GABBR1: variants seen among roughly 807,000 people sequenced by gnomAD.
The protein encoded by GABBR1 is gamma-aminobutyric acid type B receptor subunit 1, also known as GABA-B receptor, R1 subunit.
Under a neutral mutation model 117.7 loss-of-function variants are expected in GABBR1, and 35 were observed. The observed-to-expected ratio is 0.30, with a 90% CI of 0.23 to 0.39. The LOEUF (loss-of-function observed/expected upper bound fraction) is 0.39. Ranked by LOEUF, GABBR1 falls within the 10% of genes least tolerant of loss-of-function variation. The pLI is 1.00. For missense variants in GABBR1, 709 were observed against 1,241.8 expected, an observed-to-expected ratio of 0.57 and a Z score of 6.45; for synonymous variants, 442 against 486.6, an observed-to-expected ratio of 0.91 and a Z score of 1.21.
Position 29,605,138 on chromosome 6 carries a change from T to G in GABBR1, c.2440-150A>C. On this transcript the variant is annotated intron_variant, in intron 20 of 22. Coordinates refer to ENST00000377034, the MANE Select transcript of GABBR1 (RefSeq NM_001470.4). This position sits in a 1 kb window ranked among gnomAD's most constrained non-coding sequence, Gnocchi z 4.2. ...CCAAATTCAGGATCATCCTCAAATA[T>G]AGATTGAGAAAAATCTCAAACTGTC... 1 of 847,260 alleles carries G rather than the reference T, an allele frequency of 1.2e-6. No individual in the cohort carries two copies. Among genetic ancestry groups the G allele is most frequent in the Non-Finnish European group, 1.8e-6 (1 of 565,950 alleles). 52.5% of individuals were successfully genotyped at this position (847,260 alleles called of 1,614,324 possible).
At chr6:29,612,739 G>A (rs1762683216) in intron 12 of GABBR1, 125 bp from the exon 13 acceptor site, 2 of 824,740 alleles carry the variant, frequency 2.4e-6, no homozygotes, top group Admixed American at 3.6e-5. Context: ...GCTATTTATG[G>A]CATTTGCCTG....
In GABBR1 at chr6:29,623,252, G is replaced by C. The variant is rs945081826; in HGVS notation, c.963+53C>G. On this transcript the variant is annotated intron_variant, in intron 8 of 22. Transcript: ENST00000377034. This position sits in a 1 kb window ranked among gnomAD's most constrained non-coding sequence, Gnocchi z 6.2. ...AAGTGACTCTCACGTCACATCTCCT[G>C]GTGCTGGAATTTGAGCTTATGTCCC... 1.3e-4 allele frequency: 199 copies of C among 1,519,308 alleles called. No individual in the cohort carries two copies. Among genetic ancestry groups the C allele is most frequent in the Non-Finnish European group, 9.3e-5 (103 of 1,110,180 alleles). 94.1% of individuals were successfully genotyped at this position (1,519,308 alleles called of 1,614,324 possible).
Position 29,622,538 on chromosome 6 carries a change from C to T in GABBR1, c.964-333G>A. 1 of 320,708 alleles carries T rather than the reference C, an allele frequency of 3.1e-6. No homozygotes were observed. Among genetic ancestry groups the T allele is most frequent in the Admixed American group, 4.3e-5 (1 of 23,270 alleles). 19.9% of individuals were successfully genotyped at this position (320,708 alleles called of 1,614,324 possible). On this transcript the variant is annotated intron_variant, in intron 8 of 22. Transcript: ENST00000377034. This position sits in a 1 kb window ranked among gnomAD's most constrained non-coding sequence, Gnocchi z 4.6. Reference sequence around the variant, plus strand: ...GGAAAAGACAAGGCAAGGACTGGGACAGACAGCATGATGTCAACCTCAAGA... The same window carrying T: ...GGAAAAGACAAGGCAAGGACTGGGATAGACAGCATGATGTCAACCTCAAGA...
chr6:29,609,485 G>T lies in GABBR1; in HGVS notation c.1709-106C>A. The T allele has an allele frequency of 1.1e-6, 1 of 931,668 alleles. No homozygotes were observed. Among genetic ancestry groups the T allele is most frequent in the Non-Finnish European group, 1.6e-6 (1 of 606,624 alleles). 57.7% of individuals were successfully genotyped at this position (931,668 alleles called of 1,614,324 possible). ...AGGGCAAAGAACTAGATTGCTGATG[G>T]ACATTCAGTCATTGGCTGGGGACAT... On this transcript the variant is annotated intron_variant, in intron 14 of 22. Coordinates refer to ENST00000377034, the MANE Select transcript of GABBR1 (RefSeq NM_001470.4). The surrounding 1 kb of genome is among the most constrained non-coding windows in gnomAD (Gnocchi z 4.3).
At position 29,611,102 on chromosome 6, in the gene GABBR1, T is replaced by C; in HGVS notation, c.1631-101A>G. The C allele has an allele frequency of 1.1e-6, 1 of 909,158 alleles. No individual in the cohort carries two copies. Among genetic ancestry groups the C allele is most frequent in the Non-Finnish European group, 1.8e-6 (1 of 570,200 alleles). The allele number at this position is 909,158 out of a possible 1,614,324, so 56.3% of individuals were successfully genotyped here. A position where few individuals can be genotyped will look rare whatever the true frequency, so the allele number is the denominator to read the frequency against. ...CCCTAGAGCTTTGCATGGTTGTATC[T>C]GATTTTATTTTCACCTGAGGCCCTA... On this transcript the variant is annotated intron_variant, in intron 13 of 22. Transcript: ENST00000377034. This position sits in a 1 kb window ranked among gnomAD's most constrained non-coding sequence, Gnocchi z 4.6.
intron 5 of GABBR1, among the ~76,000 whole-genome samples, chr6:29,628,379 G>A (rs1217357032): frequency 6.6e-6 from 1 of 152,166 alleles, no homozygotes; most frequent in Admixed American, 6.5e-5. Flanking sequence ...GAGTGGGACG[G>A]GAGAGAAACG....
chr6:29,629,377 G>A (rs995207577), intron 4 of GABBR1: 2 of 619,348 alleles, frequency 3.2e-6, no homozygotes, highest in Non-Finnish European at 5.8e-6. Context: ...TCTTGGTTCT[G>A]TGGTGCCTGA....
rs1761696130 is a variant in GABBR1 at position 29,604,087 on chromosome 6, G to A, written c.2713-371C>T. ...GCACCAGCCCCTAATGACAGCCTGG[G>A]GCACAGTGAACGCCTGCCCAGGTCC... On this transcript the variant is annotated intron_variant, in intron 22 of 22. Coordinates refer to ENST00000377034, the MANE Select transcript of GABBR1 (RefSeq NM_001470.4). The surrounding 1 kb of genome is among the most constrained non-coding windows in gnomAD (Gnocchi z 5.3). Among the ~76,000 whole-genome samples, 1 of 152,068 alleles carries A rather than the reference G, an allele frequency of 6.6e-6. No individual in the cohort carries two copies. The highest frequency in any genetic ancestry group is 2.4e-5 in the African/African-American group (1 of 41,394).
In GABBR1 at chr6:29,631,314, C is replaced by T; in HGVS notation, c.289+82G>A. 1 of 1,360,584 alleles carries T rather than the reference C, an allele frequency of 7.3e-7. No homozygotes were observed. The allele number at this position is 1,360,584 out of a possible 1,614,324, so 84.3% of individuals were successfully genotyped here. On this transcript the variant is annotated intron_variant, in intron 3 of 22. Coordinates refer to ENST00000377034, the MANE Select transcript of GABBR1 (RefSeq NM_001470.4). This position sits in a 1 kb window ranked among gnomAD's most constrained non-coding sequence, Gnocchi z 5.9. Reference sequence around the variant, plus strand: ...ATTTTGGTATACTGGATTTAAAGTGCTGACTTGCAAGCAGTAATGCTAAGT... The same window carrying T: ...ATTTTGGTATACTGGATTTAAAGTGTTGACTTGCAAGCAGTAATGCTAAGT...
chr6:29,630,145 A>C lies in GABBR1; in HGVS notation c.475+313T>G. The C allele has an allele frequency of 3.0e-6, 1 of 335,444 alleles. No homozygotes were observed. Among genetic ancestry groups the C allele is most frequent in the Non-Finnish European group, 5.4e-6 (1 of 184,936 alleles). 20.8% of individuals were successfully genotyped at this position (335,444 alleles called of 1,614,324 possible). A position where few individuals can be genotyped will look rare whatever the true frequency, so the allele number is the denominator to read the frequency against. ...GTTTAGAGAAAGGGAAAATTGGAGT[A>C]TTTAAACCTGAAGAAGGTGAGAGAG... is the stretch of plus-strand genomic sequence containing the variant. On this transcript the variant is annotated intron_variant, in intron 4 of 22. Coordinates refer to ENST00000377034, the MANE Select transcript of GABBR1 (RefSeq NM_001470.4). This position sits in a 1 kb window ranked among gnomAD's most constrained non-coding sequence, Gnocchi z 4.9.
chr6:29,629,183 C>A, intron 4 of GABBR1, 76 bp from the exon 5 acceptor site: 1 of 1,515,090 alleles, frequency 6.6e-7, no homozygotes, highest in Non-Finnish European at 9.1e-7. Context: ...CCCCAGCCCC[C>A]TCCCACACCT....
intron 14 of GABBR1, among the ~76,000 whole-genome samples, chr6:29,610,523 T>C (rs1762431673): frequency 6.6e-6 from 1 of 152,148 alleles, no homozygotes; most frequent in South Asian, 2.1e-4. Context: ...TCCTCCTCCA[T>C]AGTTTAAGCA....
chr6:29,622,051 TC>T lies in GABBR1; in HGVS notation c.1065+52del, dbSNP rs1288808941. 79 of 1,477,128 alleles carry T rather than the reference TC, an allele frequency of 5.3e-5. 1 individual carries two copies. Among genetic ancestry groups the T allele is most frequent in the African/African-American group, 1.4e-5 (1 of 72,074 alleles). 91.5% of individuals were successfully genotyped at this position (1,477,128 alleles called of 1,614,324 possible). On this transcript the variant is annotated intron_variant, in intron 9 of 22. Coordinates refer to ENST00000377034, the MANE Select transcript of GABBR1 (RefSeq NM_001470.4). The surrounding 1 kb of genome is among the most constrained non-coding windows in gnomAD (Gnocchi z 4.6). ...GGCTTTCCTCTCCAACCAGTCACTG[TC>T]CCCCAGCTTGGTCCCTCCGTAAACA...
In GABBR1 at chr6:29,604,396, T is replaced by A; in HGVS notation, c.2712+98A>T. The A allele has an allele frequency of 6.8e-7, 1 of 1,481,220 alleles. No homozygotes were observed. The highest frequency in any genetic ancestry group is 2.3e-5 in the East Asian group (1 of 44,198). 91.8% of individuals were successfully genotyped at this position (1,481,220 alleles called of 1,614,324 possible). ...ACCCTCCCTCCATGAGCCAAGAACA[T>A]CTGACCCTGTATCTCAGGCTTGGCT... is the stretch of plus-strand genomic sequence containing the variant. On this transcript the variant is annotated intron_variant, in intron 22 of 22. Coordinates refer to ENST00000377034, the MANE Select transcript of GABBR1 (RefSeq NM_001470.4). The surrounding 1 kb of genome is among the most constrained non-coding windows in gnomAD (Gnocchi z 5.3).
chr6:29,607,521 T>C lies in GABBR1; in HGVS notation c.1993-303A>G, dbSNP rs1422590613. On this transcript the variant is annotated intron_variant, in intron 16 of 22. Coordinates refer to ENST00000377034, the MANE Select transcript of GABBR1 (RefSeq NM_001470.4). The surrounding 1 kb of genome is among the most constrained non-coding windows in gnomAD (Gnocchi z 5.0). ...TCCCCAATATCTATAAGTTATAGCC[T>C]GAACACTTCTGGATATGACACAGAC... Among the ~76,000 whole-genome samples, 1 of 152,172 alleles carries C rather than the reference T, an allele frequency of 6.6e-6. No homozygotes were observed. Among genetic ancestry groups the C allele is most frequent in the South Asian group, 2.1e-4 (1 of 4,826 alleles).
Position 29,605,145 on chromosome 6 carries a change from A to C in GABBR1, c.2440-157T>G. ...CAGGATCATCCTCAAATATAGATTG[A>C]GAAAAATCTCAAACTGTCCCAAACC... On this transcript the variant is annotated intron_variant, in intron 20 of 22. Transcript: ENST00000377034. The surrounding 1 kb of genome is among the most constrained non-coding windows in gnomAD (Gnocchi z 4.2). The C allele has an allele frequency of 1.2e-6, 1 of 815,202 alleles. No homozygotes were observed. Among genetic ancestry groups the C allele is most frequent in the African/African-American group, 1.7e-5 (1 of 57,874 alleles). The allele number at this position is 815,202 out of a possible 1,614,324, so 50.5% of individuals were successfully genotyped here.
rs770486071 is a variant in GABBR1 at position 29,606,907 on chromosome 6, C to T, written c.2207G>A (p.Arg736Gln). Residue 736 changes from arginine to glutamine, a missense_variant, in exon 18 of 23, where the codon CGG becomes CAG. Physicochemically the swap from Arg to Gln is conservative, Grantham distance 43. This residue lies in a region of GABBR1 where 251 missense variants were observed against 445.3 expected (regional missense o/e 0.56). Transcript: ENST00000377034. This position sits in a 1 kb window ranked among gnomAD's most constrained non-coding sequence, Gnocchi z 4.5. ...AIWQIVDPLH[R>Q]TIETFAKEEP... is the part of the protein sequence containing the mutation. ...CCTCTCCAGTGGTACCTCAATGGTCCGGTGCAGAGGGTCCACGATCTGCCA... is the reference window on the plus strand; with the variant it reads ...CCTCTCCAGTGGTACCTCAATGGTCTGGTGCAGAGGGTCCACGATCTGCCA... 2.1e-5 allele frequency: 34 copies of T among 1,613,754 alleles called. 1 individual carries two copies. The South Asian group carries it at 2.7e-4, about 13-fold the overall frequency.
At chr6:29,615,596 G>A (rs1762995730) in intron 11 of GABBR1, among the ~76,000 whole-genome samples, 1 of 142,968 alleles carries the variant, frequency 7.0e-6, no homozygotes, top group South Asian at 2.4e-4. Flanking sequence ...GCGATGGAGT[G>A]AGACTCTGCC....
intron 11 of GABBR1, among the ~76,000 whole-genome samples, chr6:29,617,764 G>C (rs1763308319): frequency 6.6e-6 from 1 of 152,138 alleles, no homozygotes; most frequent in Admixed American, 6.5e-5. Context: ...AAATCACTGA[G>C]TCCTCTTAAC....
Sources: allele counts gnomAD v4.1 joint callset (sites outside exome capture counted in the v4.1 genomes callset), GRCh38; gene constraint gnomAD v4.1.1; regional missense constraint gnomAD v4.1.1; non-coding constraint Gnocchi (gnomAD v3.1); transcripts MANE v1.5; gene names NCBI Gene and HGNC (gene_info 2026-07-23, HGNC 2026-07-21).